Variants in MCF2L observed in about 807,000 individuals in gnomAD.
MCF2L encodes the protein MCF.2 cell line derived transforming sequence like.
A neutral mutation model predicts 153.4 loss-of-function variants in MCF2L; 97 were observed. That is an observed-to-expected ratio of 0.63 (90% confidence interval 0.54 to 0.75). The LOEUF is 0.75. MCF2L is among the 30% of genes least tolerant of loss of function. The pLI, the probability that MCF2L is intolerant of heterozygous loss-of-function variation, is 0.00. For synonymous variants in MCF2L, 659 were observed against 632.2 expected, an observed-to-expected ratio of 1.04 and a Z score of -0.64; for missense variants, 1,347 against 1,495.2, an observed-to-expected ratio of 0.90 and a Z score of 1.64.
At chr13:112,981,916 G>A (rs569062020) in intron 1 of MCF2L, among the ~76,000 whole-genome samples, 6 of 152,242 alleles carry the variant, frequency 3.9e-5, no homozygotes, top group Admixed American at 6.5e-5. Flanking sequence ...CAGGATGTGC[G>A]TCTCCGATTG....
In MCF2L at chr13:113,099,446, G is replaced by GAGCCACGGGAGGGAGC. The variant is rs1332440325; in HGVS notation, c.*2596_*2611dup. The GAGCCACGGGAGGGAGC allele has an allele frequency of 6.6e-6, 1 of 152,234 alleles. No homozygotes were observed. The highest frequency in any genetic ancestry group is 2.4e-5 in the African/African-American group (1 of 41,448). The allele number at this position is 152,234 out of a possible 1,614,324, so 9.4% of individuals were successfully genotyped here. ...TCTCTAGAACTGGACAGCGTGCACA[G>GAGCCACGGGAGGGAGC]AGCCACGGGAGGGAGCAGCCACGGC... On this transcript the variant is annotated 3_prime_UTR_variant, in exon 30 of 30. Coordinates refer to ENST00000535094, the MANE Select transcript of MCF2L (RefSeq NM_001112732.3).
chr13:112,948,499 C>A (rs906025487), intron 2 of MCF2L, among the ~76,000 whole-genome samples: 4 of 152,144 alleles, frequency 2.6e-5, no homozygotes, highest in Non-Finnish European at 4.4e-5. Flanking sequence ...TCCACAAAGT[C>A]CTAGGACATG....
chr13:112,930,398 G>GA (rs2081449659), intron 2 of MCF2L, among the ~76,000 whole-genome samples: 2 of 152,192 alleles, frequency 1.3e-5, no homozygotes, highest in African/African-American at 2.4e-5. Context: ...AGACATAGAG[G>GA]AAACTTAGAT....
At chr13:113,087,184 T>C (rs1203468258) in intron 21 of MCF2L, 51 bp from the exon 22 acceptor site, 11 of 1,502,600 alleles carry the variant, frequency 7.3e-6, no homozygotes, top group African/African-American at 6.9e-5. Flanking sequence ...TGCGCGTCCA[T>C]GGCCCCAGGC....
chr13:113,082,720 C>T (rs1328231518), intron 17 of MCF2L, among the ~76,000 whole-genome samples, 178 bp downstream of exon 17: 3 of 152,200 alleles, frequency 2.0e-5, no homozygotes, highest in Non-Finnish European at 4.4e-5. Flanking sequence ...CATCTCTGAG[C>T]GCCCACGTGG....
intron 1 of MCF2L, chr13:113,010,127 C>A (rs1386420495): frequency 6.6e-6 from 1 of 150,416 alleles, no homozygotes; most frequent in African/African-American, 2.5e-5. Flanking sequence ...CCCCCCCACC[C>A]GCACCATGAG....
chr13:112,991,229 T>C lies in MCF2L; in HGVS notation c.79+21771T>C, dbSNP rs929731075. On this transcript the variant is annotated intron_variant, in intron 1 of 29. Coordinates refer to ENST00000535094, the MANE Select transcript of MCF2L (RefSeq NM_001112732.3). ...CCTGCTTCTGTTAACTTTGTACACG[T>C]TGTGTGGGACCTGATTCGCTGTGTT... Among the ~76,000 whole-genome samples the C allele has an allele frequency of 1.2e-4, 19 of 152,068 alleles. 1 individual carries two copies. The highest frequency in any genetic ancestry group is 1.2e-3 in the Admixed American group (19 of 15,260).
At chr13:113,015,079 G>C (rs1222913353) in intron 2 of MCF2L, among the ~76,000 whole-genome samples, 1 of 152,230 alleles carries the variant, frequency 6.6e-6, no homozygotes, top group Non-Finnish European at 1.5e-5. Flanking sequence ...GGAGGGTCAG[G>C]GTCCCCAGGG....
At chr13:112,959,189 G>A (rs1408552206) in intron 2 of MCF2L, among the ~76,000 whole-genome samples, 2 of 152,056 alleles carry the variant, frequency 1.3e-5, no homozygotes, top group Non-Finnish European at 2.9e-5. Context: ...TTTTCCTCTA[G>A]TTTTTCTTTT....
intron 4 of MCF2L, among the ~76,000 whole-genome samples, chr13:113,051,716 A>C (rs2087343152): frequency 1.3e-5 from 2 of 152,182 alleles, no homozygotes; most frequent in African/African-American, 2.4e-5. Flanking sequence ...TACAACGAAA[A>C]AGAATTCATG....
In MCF2L at chr13:113,046,438, G is replaced by A; in HGVS notation, c.369+1077G>A. 2.2e-6 allele frequency: 1 copy of A among 461,214 alleles called. No individual in the cohort carries two copies. The highest frequency in any genetic ancestry group is 4.3e-6 in the Non-Finnish European group (1 of 231,016). 28.6% of individuals were successfully genotyped at this position (461,214 alleles called of 1,614,324 possible). A position where few individuals can be genotyped will look rare whatever the true frequency, so the allele number is the denominator to read the frequency against. ...CCCAGTGAAGTCAGATTCTCCCAGT[G>A]AAGTCAGATTCTCCTGGCCTTTCCT... On this transcript the variant is annotated intron_variant, in intron 4 of 29. Coordinates refer to ENST00000535094, the MANE Select transcript of MCF2L (RefSeq NM_001112732.3). The surrounding 1 kb of genome is among the most constrained non-coding windows in gnomAD (Gnocchi z 4.4).
intron 1 of MCF2L, among the ~76,000 whole-genome samples, chr13:112,997,194 T>A (rs1214752000): frequency 6.6e-6 from 1 of 151,984 alleles, no homozygotes; most frequent in Non-Finnish European, 1.5e-5. Flanking sequence ...CTCGGGTGAG[T>A]CTTGAGACCA....
At chr13:112,921,109 A>G (rs2081348351) in intron 2 of MCF2L, among the ~76,000 whole-genome samples, 1 of 152,056 alleles carries the variant, frequency 6.6e-6, no homozygotes, top group South Asian at 2.1e-4. Context: ...TCCGGGAGGC[A>G]GAGCTTGCAG....
intron 1 of MCF2L, among the ~76,000 whole-genome samples, chr13:112,974,613 G>A (rs937106497): frequency 2.6e-5 from 4 of 152,064 alleles, no homozygotes; most frequent in Non-Finnish European, 4.4e-5. Context: ...AGACCTTCAG[G>A]GACTAGTAAA....
At chr13:112,944,780 C>T (rs952553476) in intron 2 of MCF2L, among the ~76,000 whole-genome samples, 1 of 152,154 alleles carries the variant, frequency 6.6e-6, no homozygotes, top group Non-Finnish European at 1.5e-5. Context: ...GCCACCGCGC[C>T]CGGCCAAACC....
At chr13:113,071,284 C>T (rs2141884333) in intron 9 of MCF2L, among the ~76,000 whole-genome samples, 1 of 152,196 alleles carries the variant, frequency 6.6e-6, no homozygotes, top group Middle Eastern at 3.4e-3. Flanking sequence ...TTTGAGAATT[C>T]CTTATATACT....
intron 2 of MCF2L, among the ~76,000 whole-genome samples, chr13:112,912,446 A>G (rs1294701371): frequency 6.6e-6 from 1 of 151,930 alleles, no homozygotes; most frequent in Non-Finnish European, 1.5e-5. Context: ...CCTCTCAAGT[A>G]GCTGGGATTA....
intron 2 of MCF2L, chr13:112,909,428 G>T (rs2081207569): frequency 7.1e-6 from 5 of 700,860 alleles, no homozygotes; most frequent in Non-Finnish European, 1.3e-5. Context: ...TTTGGGGCAG[G>T]CCTGAGCATT....
At chr13:112,909,037 A>G (rs2993328) in intron 2 of MCF2L, among the ~76,000 whole-genome samples, 121,455 of 152,162 alleles carry the variant, frequency 0.8, 48,793 homozygotes, top group East Asian at 0.91. Context: ...GCTTATGTTT[A>G]TCCATGCTGC....
Sources: allele counts gnomAD v4.1 joint callset (sites outside exome capture counted in the v4.1 genomes callset), GRCh38; gene constraint gnomAD v4.1.1; non-coding constraint Gnocchi (gnomAD v3.1); transcripts MANE v1.5; gene names NCBI Gene and HGNC (gene_info 2026-07-23, HGNC 2026-07-21).